Variants in DCC observed in about 807,000 individuals in gnomAD.
DCC encodes the protein DCC netrin 1 receptor.
DCC carries 58 observed loss-of-function variants against 172.5 expected under a neutral mutation model. The ratio of observed to expected loss-of-function variants is 0.34; its 90% CI spans 0.27 to 0.42. DCC has a LOEUF of 0.42. Ranked by LOEUF, DCC falls within the 10% of genes least tolerant of loss-of-function variation. DCC has a pLI of 1.00. For synonymous variants in DCC, 709 were observed against 644.5 expected (o/e 1.10, Z -1.52); for missense variants, 1,740 against 1,791.0 (o/e 0.97, Z 0.51).
At position 52,399,269 on chromosome 18, in the gene DCC, T is replaced by C. The variant is rs1986348322; in HGVS notation, c.91+58391T>C. 2.0e-5 allele frequency among the ~76,000 whole-genome samples: 3 copies of C among 151,984 alleles called. No homozygotes were observed. The East Asian group carries it at 5.8e-4, about 29-fold the overall frequency. On this transcript the variant is annotated intron_variant, in intron 1 of 28. Transcript: ENST00000442544. ...AGTTGAGTATCAGGGACAGCTTTAC[T>C]GATGACAATCTAACTTCCTCCTAGC...
At chr18:53,522,640 A>G (rs2046412638) in intron 27 of DCC, among the ~76,000 whole-genome samples, 1 of 152,186 alleles carries the variant, frequency 6.6e-6, no homozygotes, top group Non-Finnish European at 1.5e-5. Context: ...CTGATCTTTG[A>G]CAAACCTGGC....
chr18:52,783,783 G>A (rs562876276), intron 2 of DCC, among the ~76,000 whole-genome samples: 39 of 152,032 alleles, frequency 2.6e-4, no homozygotes, highest in African/African-American at 9.4e-4. Context: ...ACTTCACTGT[G>A]CCTTACAGGG....
At chr18:53,219,215 C>G (rs1296517894) in intron 12 of DCC, among the ~76,000 whole-genome samples, 1 of 152,074 alleles carries the variant, frequency 6.6e-6, no homozygotes, top group Admixed American at 6.6e-5. Flanking sequence ...TTGAACCTTT[C>G]AAAGTTGACA....
intron 16 of DCC, among the ~76,000 whole-genome samples, chr18:53,389,981 G>A (rs1426405525): frequency 6.6e-6 from 1 of 152,166 alleles, no homozygotes; most frequent in African/African-American, 2.4e-5. Flanking sequence ...CGTCCCATAT[G>A]TGTATCACGT....
At chr18:52,367,186 C>A (rs1248882737) in intron 1 of DCC, among the ~76,000 whole-genome samples, 2 of 151,766 alleles carry the variant, frequency 1.3e-5, no homozygotes, top group African/African-American at 2.4e-5. Flanking sequence ...CAGGGCTGGC[C>A]GACTGCTCTG....
intron 1 of DCC, among the ~76,000 whole-genome samples, chr18:52,665,011 A>G (rs1349113500): frequency 6.6e-6 from 1 of 152,234 alleles, no homozygotes; most frequent in African/African-American, 2.4e-5. Flanking sequence ...GTCAATAGAC[A>G]GTTTTATTGG....
intron 1 of DCC, among the ~76,000 whole-genome samples, chr18:52,706,582 G>A (rs1431411675): frequency 1.3e-5 from 2 of 152,122 alleles, no homozygotes; most frequent in Non-Finnish European, 2.9e-5. Flanking sequence ...TCAAAGCAGA[G>A]CATTTGTTAC....
At chr18:53,257,273 G>A (rs1329989403) in intron 12 of DCC, among the ~76,000 whole-genome samples, 1 of 152,146 alleles carries the variant, frequency 6.6e-6, no homozygotes, top group East Asian at 1.9e-4. Flanking sequence ...GTGAGAGAGG[G>A]CATCCGTGTC....
chr18:53,303,499 T>C (rs2057164418), intron 12 of DCC, among the ~76,000 whole-genome samples: 1 of 152,214 alleles, frequency 6.6e-6, no homozygotes. Flanking sequence ...AAATGAAGTA[T>C]GAAAAAGCTG....
intron 12 of DCC, among the ~76,000 whole-genome samples, chr18:53,278,912 T>C (rs897144940): frequency 1.1e-4 from 17 of 152,164 alleles, no homozygotes; most frequent in Admixed American, 1.1e-3. Flanking sequence ...CTTATAATCC[T>C]TTGGGTATAT....
At chr18:53,300,421 C>CT (rs982734544) in intron 12 of DCC, among the ~76,000 whole-genome samples, 1 of 152,028 alleles carries the variant, frequency 6.6e-6, no homozygotes, top group Admixed American at 6.5e-5. Flanking sequence ...TATTTCTGTG[C>CT]TTTTGGTTGG....
At chr18:52,649,120 T>A (rs749823191) in intron 1 of DCC, among the ~76,000 whole-genome samples, 16 of 152,160 alleles carry the variant, frequency 1.1e-4, no homozygotes, top group African/African-American at 3.1e-4. Flanking sequence ...ACGCCTGTAA[T>A]CCCAGCATTT....
intron 22 of DCC, among the ~76,000 whole-genome samples, chr18:53,443,537 T>G (rs1182553370): frequency 6.6e-6 from 1 of 152,244 alleles, no homozygotes; most frequent in Non-Finnish European, 1.5e-5. Flanking sequence ...TCATGCCTGC[T>G]AACACAACAT....
intron 1 of DCC, among the ~76,000 whole-genome samples, chr18:52,702,423 A>G (rs909589288): frequency 6.6e-6 from 1 of 152,196 alleles, no homozygotes; most frequent in East Asian, 1.9e-4. Context: ...TACAAGTCCA[A>G]TAACATCTTT....
intron 2 of DCC, among the ~76,000 whole-genome samples, chr18:52,795,970 G>C (rs748675994): frequency 8.6e-5 from 13 of 151,294 alleles, no homozygotes; most frequent in Admixed American, 2.0e-4. Context: ...TTATTCTATT[G>C]CTATATCCTC....
chr18:53,015,986 C>A (rs1219459035), intron 5 of DCC, among the ~76,000 whole-genome samples: 1 of 151,918 alleles, frequency 6.6e-6, no homozygotes, highest in African/African-American at 2.4e-5. Context: ...TATAAGAATC[C>A]ACATAATCCA....
chr18:52,428,263 G>A (rs1337787204), intron 1 of DCC, among the ~76,000 whole-genome samples: 2 of 152,014 alleles, frequency 1.3e-5, no homozygotes, highest in Admixed American at 6.6e-5. Context: ...GCAGAATTAT[G>A]TTTAATTCAA....
intron 1 of DCC, among the ~76,000 whole-genome samples, chr18:52,524,729 A>G (rs899269154): frequency 4.6e-5 from 7 of 152,188 alleles, no homozygotes; most frequent in African/African-American, 1.7e-4. Context: ...CCTGCTGTTC[A>G]TCCTTATTAA....
intron 5 of DCC, among the ~76,000 whole-genome samples, chr18:53,059,866 G>T (rs1246895838): frequency 1.3e-5 from 2 of 152,096 alleles, no homozygotes; most frequent in African/African-American, 4.8e-5. Context: ...TCTTTGTTGA[G>T]CATGTACTAA....
Sources: allele counts gnomAD v4.1 joint callset (sites outside exome capture counted in the v4.1 genomes callset), GRCh38; gene constraint gnomAD v4.1.1; transcripts MANE v1.5; gene names NCBI Gene and HGNC (gene_info 2026-07-23, HGNC 2026-07-21).